BRAF: variants seen among roughly 807,000 people sequenced by gnomAD.
The protein encoded by BRAF is serine/threonine-protein kinase B-raf.
BRAF carries 16 observed loss-of-function variants against 104.6 expected under a neutral mutation model. That is an observed-to-expected ratio of 0.15 (90% CI 0.10 to 0.23). The LOEUF (loss-of-function observed/expected upper bound fraction) is 0.23. Among genes scored for constraint, BRAF ranks in the 10% least tolerant of loss-of-function variants. BRAF has a pLI of 1.00. For synonymous variants in BRAF, 310 were observed against 341.6 expected (o/e 0.91, Z 1.02); for missense variants, 541 against 937.3 (o/e 0.58, Z 5.52).
At position 140,721,380 on chromosome 7, in the gene BRAF, AG is replaced by A; in HGVS notation, c.*5113del. ...CTTTTCCACATTAAAAATACCTGAT[AG>A]GAACTGTTAATTACCCTTTCCACAA... On this transcript the variant is annotated 3_prime_UTR_variant, in exon 20 of 20. Transcript: ENST00000644969. 8.1e-7 allele frequency: 1 copy of A among 1,228,074 alleles called. No homozygotes were observed. The highest frequency in any genetic ancestry group is 1.0e-6 in the Non-Finnish European group (1 of 985,540). 76.1% of individuals were successfully genotyped at this position (1,228,074 alleles called of 1,614,324 possible).
At chr7:140,841,870 CAATT>C (rs1486323541) in intron 2 of BRAF, among the ~76,000 whole-genome samples, 9 of 151,802 alleles carry the variant, frequency 5.9e-5, no homozygotes, top group South Asian at 2.1e-4. Context: ...AATTATTTCT[CAATT>C]AAAACAGAAG....
Position 140,721,782 on chromosome 7 carries a change from T to C in BRAF, c.*4712A>G, listed in dbSNP as rs1326116450. ...GATACAAGAACCACAGCATGGAATATGTTTTCTTTTACATCCAATGGCCAG... is the reference window on the plus strand; with the variant it reads ...GATACAAGAACCACAGCATGGAATACGTTTTCTTTTACATCCAATGGCCAG... On this transcript the variant is annotated 3_prime_UTR_variant, in exon 20 of 20. Coordinates refer to ENST00000644969, the MANE Select transcript of BRAF (RefSeq NM_001374258.1). 2.1e-6 allele frequency: 3 copies of C among 1,440,254 alleles called. No homozygotes were observed. Among genetic ancestry groups the C allele is most frequent in the South Asian group, 1.5e-5 (1 of 67,450 alleles). 89.2% of individuals were successfully genotyped at this position (1,440,254 alleles called of 1,614,324 possible).
chr7:140,921,967 A>C (rs1818272944), intron 1 of BRAF, among the ~76,000 whole-genome samples: 1 of 152,208 alleles, frequency 6.6e-6, no homozygotes, highest in Non-Finnish European at 1.5e-5. Context: ...AGCACATTTC[A>C]GTTTCCACTG....
In BRAF at chr7:140,734,679, G is replaced by T; in HGVS notation, c.2339C>A (p.Thr780Lys). 6.2e-7 allele frequency: 1 copy of T among 1,611,520 alleles called. No homozygotes were observed. The highest frequency in any genetic ancestry group is 8.5e-7 in the Non-Finnish European group (1 of 1,179,662). ...EPSLNRAGFQ[T>K]EDFSLYACAS... Reference sequence around the variant, plus strand: ...ACAAGCATATAGACTAAAATCCTCTGTTTGGAAACCAGCCCGATTCAAGGA... The same window carrying T: ...ACAAGCATATAGACTAAAATCCTCTTTTTGGAAACCAGCCCGATTCAAGGA... Residue 780 changes from threonine (T) to lysine (K), a missense_variant, in exon 19 of 20, where the codon ACA (threonine) becomes AAA (lysine). Physicochemically the swap from Thr to Lys is moderately conservative, Grantham distance 78. Transcript: ENST00000644969.
At chr7:140,861,203 G>C (rs941947713) in intron 1 of BRAF, among the ~76,000 whole-genome samples, 9 of 152,162 alleles carry the variant, frequency 5.9e-5, no homozygotes, top group African/African-American at 1.9e-4. Context: ...CCTTCTGAGA[G>C]AACAAAGAAA....
At chr7:140,832,256 G>C (rs1317520169) in intron 3 of BRAF, among the ~76,000 whole-genome samples, 1 of 152,162 alleles carries the variant, frequency 6.6e-6, no homozygotes, top group Non-Finnish European at 1.5e-5. Context: ...TTCATTTGCT[G>C]CTAGTAGGTT....
intron 14 of BRAF, among the ~76,000 whole-genome samples, chr7:140,768,768 A>G (rs1799568400): frequency 6.6e-6 from 1 of 152,138 alleles, no homozygotes; most frequent in South Asian, 2.1e-4. Flanking sequence ...ATATGCTAGT[A>G]GTACAGGCAT....
chr7:140,815,269 C>A (rs1804744922), intron 3 of BRAF, among the ~76,000 whole-genome samples: 1 of 151,802 alleles, frequency 6.6e-6, no homozygotes, highest in Admixed American at 6.6e-5. Context: ...TCCTGAGTAG[C>A]TGGGACTACA....
At chr7:140,917,059 A>C (rs1817705014) in intron 1 of BRAF, among the ~76,000 whole-genome samples, 1 of 152,226 alleles carries the variant, frequency 6.6e-6, no homozygotes, top group African/African-American at 2.4e-5. Context: ...ACAACTGGAC[A>C]TCCATATGTA....
chr7:140,790,029 C>T (rs746306091), intron 8 of BRAF, among the ~76,000 whole-genome samples: 10 of 152,200 alleles, frequency 6.6e-5, no homozygotes, highest in Non-Finnish European at 1.5e-4. Flanking sequence ...TGCACCCAGC[C>T]GATAAGATTT....
intron 17 of BRAF, among the ~76,000 whole-genome samples, chr7:140,742,925 C>T (rs1427445583): frequency 2.0e-5 from 3 of 151,976 alleles, no homozygotes; most frequent in South Asian, 2.1e-4. Flanking sequence ...CATGAACAGA[C>T]ACTTCTCAAA....
chr7:140,765,448 T>C (rs1027329351), intron 14 of BRAF, among the ~76,000 whole-genome samples: 5 of 152,020 alleles, frequency 3.3e-5, no homozygotes, highest in African/African-American at 1.2e-4. Flanking sequence ...AATGGACAAA[T>C]GGGATCTAAC....
chr7:140,792,611 T>C (rs62487921), intron 8 of BRAF, among the ~76,000 whole-genome samples: 8,632 of 152,318 alleles, frequency 0.057, 292 homozygotes, highest in South Asian at 0.12. Context: ...CTCTGCTCAA[T>C]GTTCCTAGAT....
intron 16 of BRAF, among the ~76,000 whole-genome samples, chr7:140,751,967 T>C (rs1220799671): frequency 6.6e-6 from 1 of 152,212 alleles, no homozygotes; most frequent in Non-Finnish European, 1.5e-5. Flanking sequence ...TTCAAACTTT[T>C]TGGTCTCAGG....
chr7:140,744,801 CTA>C (rs1248644471), intron 17 of BRAF, among the ~76,000 whole-genome samples: 13 of 152,108 alleles, frequency 8.5e-5, no homozygotes, highest in Non-Finnish European at 1.8e-4. Flanking sequence ...ATTTTACATT[CTA>C]TGTTTCCATA....
chr7:140,718,117 CAG>C (rs1438607693), downstream of BRAF, among the ~76,000 whole-genome samples: 6 of 152,130 alleles, frequency 3.9e-5, no homozygotes, highest in African/African-American at 1.4e-4. Context: ...TTTTTTGAGA[CAG>C]AGTCTCGCTC....
Position 140,726,203 on chromosome 7 carries a change from C to T in BRAF, c.*291G>A, listed in dbSNP as rs1336728187. On this transcript the variant is annotated 3_prime_UTR_variant, in exon 20 of 20. Transcript: ENST00000644969. ...AGCAGTTTCTTTCCATCATGCCTGA[C>T]CATCAAAAGGTCAGAATTCAGGGTC... 4 of 1,237,612 alleles carry T rather than the reference C, an allele frequency of 3.2e-6. No individual in the cohort carries two copies. Among genetic ancestry groups the T allele is most frequent in the Non-Finnish European group, 4.0e-6 (4 of 989,036 alleles). The allele number at this position is 1,237,612 out of a possible 1,614,324, so 76.7% of individuals were successfully genotyped here.
At chr7:140,868,524 T>C (rs1277555610) in intron 1 of BRAF, among the ~76,000 whole-genome samples, 3 of 151,574 alleles carry the variant, frequency 2.0e-5, no homozygotes, top group Non-Finnish European at 2.9e-5. Flanking sequence ...TGGTCCAGAA[T>C]AGAAAAATCC....
chr7:140,899,856 T>C (rs1268561285), intron 1 of BRAF, among the ~76,000 whole-genome samples: 1 of 152,222 alleles, frequency 6.6e-6, no homozygotes, highest in Non-Finnish European at 1.5e-5. Flanking sequence ...CTGGAGTTAT[T>C]GCCTTGCTTC....
Sources: allele counts gnomAD v4.1 joint callset (sites outside exome capture counted in the v4.1 genomes callset), GRCh38; gene constraint gnomAD v4.1.1; transcripts MANE v1.5; gene names NCBI Gene and HGNC (gene_info 2026-07-23, HGNC 2026-07-21).